The following STAT5B variants were observed in gnomAD, a reference collection of about 807,000 sequenced individuals.
STAT5B encodes the protein signal transducer and activator of transcription 5B.
In STAT5B, 21 loss-of-function variants were observed where a neutral mutation model predicts 107.8. The ratio of observed to expected loss-of-function variants is 0.19; its 90% confidence interval spans 0.14 to 0.28. The LOEUF (loss-of-function observed/expected upper bound fraction) is 0.28, where lower values mean the gene tolerates loss of function less well. STAT5B is among the 10% of genes least tolerant of loss of function. The probability of loss-of-function intolerance (pLI) is 1.00; values close to 1 mark genes in which losing one functional copy is unlikely to be tolerated. For synonymous variants in STAT5B, 325 were observed against 401.7 expected (o/e 0.81, Z 2.28); for missense variants, 565 against 1,008.2 (o/e 0.56, Z 5.95).
chr17:42,268,007 T>C (rs2080689283), intron 1 of STAT5B, among the ~76,000 whole-genome samples: 3 of 150,132 alleles, frequency 2.0e-5, no homozygotes, highest in African/African-American at 7.3e-5. Flanking sequence ...AGTATTACAG[T>C]AGGCTAAGGT....
intron 1 of STAT5B, chr17:42,235,262 T>A (rs2080347578): frequency 6.6e-6 from 1 of 152,218 alleles, no homozygotes; most frequent in African/African-American, 2.4e-5. Flanking sequence ...CAGGGTGAAA[T>A]CACCATGAAC....
chr17:42,230,818 G>A (rs2080311492), intron 2 of STAT5B, among the ~76,000 whole-genome samples: 2 of 151,710 alleles, frequency 1.3e-5, no homozygotes, highest in African/African-American at 4.8e-5. Context: ...CCGTCACCAC[G>A]CCCAACTAAT....
intron 12 of STAT5B, chr17:42,214,584 AAC>A: frequency 6.1e-6 from 6 of 985,450 alleles, no homozygotes; most frequent in Non-Finnish European, 6.0e-6. Context: ...CTGTTGAACT[AAC>A]AGTCAAATCC....
intron 1 of STAT5B, among the ~76,000 whole-genome samples, chr17:42,256,247 AT>A (rs1469281604): frequency 1.3e-5 from 2 of 151,814 alleles, no homozygotes; most frequent in Non-Finnish European, 2.9e-5. Context: ...CTTCTCCCCC[AT>A]CCCCCCAACT....
chr17:42,227,742 T>A (rs2080285910), intron 2 of STAT5B, 57 bp from the exon 3 acceptor site: 1 of 1,577,732 alleles, frequency 6.3e-7, no homozygotes, highest in East Asian at 2.3e-5. Context: ...CCTGTATAAA[T>A]ACAGCCTCAA....
intron 1 of STAT5B, among the ~76,000 whole-genome samples, chr17:42,274,281 CAAAAAAAA>C (rs534342062): frequency 6.4e-5 from 4 of 62,532 alleles, no homozygotes; most frequent in East Asian, 5.5e-4. Flanking sequence ...GTTTGCTTTA[CAAAAAAAA>C]AAAAAAAAAA....
chr17:42,247,337 G>A (rs139199612), intron 1 of STAT5B, among the ~76,000 whole-genome samples: 55 of 152,294 alleles, frequency 3.6e-4, no homozygotes, highest in Non-Finnish European at 5.9e-4. Flanking sequence ...TTTCCAGGTA[G>A]CTGTGTTCTC....
chr17:42,282,994 C>G, the STAT5B span, among the ~76,000 whole-genome samples: 1 of 151,840 alleles, frequency 6.6e-6, no homozygotes, highest in Admixed American at 6.6e-5. Flanking sequence ...ACTTAAGAAA[C>G]GAAGAAACAA....
intron 1 of STAT5B, among the ~76,000 whole-genome samples, chr17:42,255,563 T>C (rs1381835365): frequency 6.6e-6 from 1 of 152,206 alleles, no homozygotes; most frequent in Non-Finnish European, 1.5e-5. Context: ...AAGGGGCAGA[T>C]AGTGTATGAT....
At chr17:42,276,565 AC>A (rs1010055747), upstream of STAT5B, 121 of 148,856 alleles carry the variant, frequency 8.1e-4, no homozygotes, top group African/African-American at 2.5e-3. This position sits in a 1 kb window ranked among gnomAD's most constrained non-coding sequence, Gnocchi z 4.8. Flanking sequence ...AAGGACCCGG[AC>A]CCCCTCGGCA....
At position 42,202,748 on chromosome 17, in the gene STAT5B, G is replaced by A. The variant is rs765594587; in HGVS notation, c.2129+9C>T. 9.9e-6 allele frequency: 16 copies of A among 1,613,966 alleles called. No homozygotes were observed. Among genetic ancestry groups the A allele is most frequent in the Non-Finnish European group, 1.4e-5 (16 of 1,180,032 alleles). On this transcript the variant is annotated intron_variant, in intron 17 of 18. Coordinates refer to ENST00000293328, the MANE Select transcript of STAT5B (RefSeq NM_012448.4). ...GCAGAAGGAGAGCCACAGCCACCTG[G>A]ACACTTACTCAGGGACCACTTGCTT... is the stretch of plus-strand genomic sequence containing the variant.
At chr17:42,217,079 T>C in intron 11 of STAT5B, 81 bp downstream of exon 11, 2 of 1,423,276 alleles carry the variant, frequency 1.4e-6, no homozygotes, top group African/African-American at 1.4e-5. Flanking sequence ...TGCTATGTGA[T>C]AAAAAAAAAA....
chr17:42,250,111 G>T (rs895950346), intron 1 of STAT5B, among the ~76,000 whole-genome samples: 1 of 151,992 alleles, frequency 6.6e-6, no homozygotes, highest in Non-Finnish European at 1.5e-5. Context: ...CAACCAGATC[G>T]GTTCCCGGCT....
chr17:42,216,064 C>T lies in STAT5B; in HGVS notation c.1423G>A (p.Asp475Asn). The T allele has an allele frequency of 6.2e-7, 1 of 1,613,962 alleles. No homozygotes were observed. Among genetic ancestry groups the T allele is most frequent in the Non-Finnish European group, 8.5e-7 (1 of 1,179,994 alleles). ...PVVVIVHGSQ[D>N]NNATATVLWD... The stretch of plus-strand genomic sequence containing the variant: ...AGAACAGTGGCCGTCGCATTGTTGT[C>T]CTGGCTGCCATGAACGATCACCACC... Residue 475 changes from aspartate (D) to asparagine (N), a missense_variant, in exon 12 of 19, where the codon GAC (aspartate) becomes AAC (asparagine). Coordinates refer to ENST00000293328, the MANE Select transcript of STAT5B (RefSeq NM_012448.4).
intron 1 of STAT5B, among the ~76,000 whole-genome samples, chr17:42,266,612 T>A (rs928418579): frequency 6.6e-6 from 1 of 151,726 alleles, no homozygotes; most frequent in African/African-American, 2.4e-5. Context: ...CAGTGACTCA[T>A]TCCTGTAATC....
rs1361119847 is a variant in STAT5B at position 42,202,821 on chromosome 17, G to T, written c.2078-13C>A. 8 of 1,614,124 alleles carry T rather than the reference G, an allele frequency of 5.0e-6. No individual in the cohort carries two copies. The highest frequency in any genetic ancestry group is 1.6e-4 in the Middle Eastern group (1 of 6,082). On this transcript the variant is annotated splice_polypyrimidine_tract_variant and intron_variant, in intron 16 of 18. Transcript: ENST00000293328. ...TCAACAGCTTTAGCTGCCAAGGGAA[G>T]AATGTAGTAAATCAAAGTTCTCAAG...
At chr17:42,247,903 T>C (rs2080464873) in intron 1 of STAT5B, among the ~76,000 whole-genome samples, 1 of 151,082 alleles carries the variant, frequency 6.6e-6, no homozygotes, top group South Asian at 2.1e-4. Context: ...CAGTGAACTA[T>C]GATTGCGCCA....
At position 42,253,686 on chromosome 17, in the gene STAT5B, T is replaced by G. The variant is rs143956999; in HGVS notation, c.-10-21549A>C. ...AGTCTTGGTTTTGGATGATGATGAT[T>G]ATTTTTAGAGACAGGGTCTTGTTCT... is the stretch of plus-strand genomic sequence containing the variant. On this transcript the variant is annotated intron_variant, in intron 1 of 18. Transcript: ENST00000293328. Among the ~76,000 whole-genome samples, 350 of 152,240 alleles carry G rather than the reference T, an allele frequency of 2.3e-3. 2 individuals carry two copies. The highest frequency in any genetic ancestry group is 7.2e-3 in the African/African-American group (300 of 41,546).
chr17:42,244,215 G>C (rs2080431156), intron 1 of STAT5B, among the ~76,000 whole-genome samples: 1 of 150,550 alleles, frequency 6.6e-6, no homozygotes, highest in Non-Finnish European at 1.5e-5. Flanking sequence ...AGCCCCCTGA[G>C]TAGCTGGGAC....
Sources: allele counts gnomAD v4.1 joint callset (sites outside exome capture counted in the v4.1 genomes callset), GRCh38; gene constraint gnomAD v4.1.1; non-coding constraint Gnocchi (gnomAD v3.1); transcripts MANE v1.5; gene names NCBI Gene and HGNC (gene_info 2026-07-23, HGNC 2026-07-21).